GXYLT1: variants seen among roughly 807,000 people sequenced by gnomAD.
GXYLT1 encodes glucoside xylosyltransferase 1, also known as glycosyltransferase 8 domain containing 3.
A neutral mutation model predicts 54.0 loss-of-function variants in GXYLT1; 29 were observed. The ratio of observed to expected loss-of-function variants is 0.54; its 90% confidence interval spans 0.40 to 0.73. The LOEUF (loss-of-function observed/expected upper bound fraction) is 0.73. GXYLT1 is among the 30% of genes least tolerant of loss of function. GXYLT1 has a pLI of 0.00. For synonymous variants in GXYLT1, 176 were observed against 204.1 expected, an observed-to-expected ratio of 0.86 and a Z score of 1.17; for missense variants, 490 against 553.4, an observed-to-expected ratio of 0.89 and a Z score of 1.15.
At chr12:42,143,545 A>C (rs1408001250) in intron 1 of GXYLT1, among the ~76,000 whole-genome samples, 1 of 152,224 alleles carries the variant, frequency 6.6e-6, no homozygotes, top group Non-Finnish European at 1.5e-5. Context: ...TCTATATCAA[A>C]GCAGCATTTG....
rs1321289852 is a variant in GXYLT1 at position 42,084,551 on chromosome 12, C to T, written c.*3235G>A. 6.6e-6 allele frequency: 1 copy of T among 152,360 alleles called. No individual in the cohort carries two copies. The highest frequency in any genetic ancestry group is 1.5e-5 in the Non-Finnish European group (1 of 68,100). 9.4% of individuals were successfully genotyped at this position (152,360 alleles called of 1,614,324 possible). The stretch of plus-strand genomic sequence containing the variant: ...CAAATCCATTATCTCTTCTGAGTTT[C>T]ATCTTGTGAGGTTTGAAGGGTACAC... On this transcript the variant is annotated 3_prime_UTR_variant, in exon 8 of 8. Coordinates refer to ENST00000398675, the MANE Select transcript of GXYLT1 (RefSeq NM_173601.2).
chr12:42,116,921 A>G (rs1327715663), intron 3 of GXYLT1, among the ~76,000 whole-genome samples: 1 of 152,148 alleles, frequency 6.6e-6, no homozygotes, highest in African/African-American at 2.4e-5. Context: ...AATGTGGCAT[A>G]TATACACCAT....
At chr12:42,116,332 AG>A (rs1351259752) in intron 3 of GXYLT1, among the ~76,000 whole-genome samples, 1 of 152,226 alleles carries the variant, frequency 6.6e-6, no homozygotes, top group Non-Finnish European at 1.5e-5. Context: ...CTACCATCAG[AG>A]TGAACCGGCA....
chr12:42,108,294 C>T (rs568172699), intron 4 of GXYLT1, among the ~76,000 whole-genome samples: 7 of 152,252 alleles, frequency 4.6e-5, no homozygotes, highest in Non-Finnish European at 1.0e-4. Context: ...AGAGAAATGG[C>T]CAAAACCTCA....
chr12:42,099,569 G>C (rs2065377758), intron 5 of GXYLT1, among the ~76,000 whole-genome samples: 2 of 152,140 alleles, frequency 1.3e-5, no homozygotes, highest in South Asian at 4.1e-4. Context: ...TAATAGTTAT[G>C]ATGTCAGGCA....
At chr12:42,104,731 G>A (rs1428072741) in intron 5 of GXYLT1, among the ~76,000 whole-genome samples, 1 of 152,136 alleles carries the variant, frequency 6.6e-6, no homozygotes, top group African/African-American at 2.4e-5. Flanking sequence ...AATCAGACAT[G>A]TAGAAAGAAT....
intron 7 of GXYLT1, among the ~76,000 whole-genome samples, chr12:42,089,786 GTGCTGT>G: frequency 6.6e-6 from 1 of 152,316 alleles, no homozygotes; most frequent in South Asian, 2.1e-4. Flanking sequence ...TCTGGGGAAA[GTGCTGT>G]ATTGTAAACA....
chr12:42,089,364 C>A (rs1340279229), intron 7 of GXYLT1, among the ~76,000 whole-genome samples: 1 of 149,890 alleles, frequency 6.7e-6, no homozygotes, highest in Non-Finnish European at 1.5e-5. Flanking sequence ...GGAGGGATAG[C>A]ATTAGGAGAC....
At chr12:42,138,310 CAA>C (rs1428424663) in intron 1 of GXYLT1, among the ~76,000 whole-genome samples, 1 of 152,080 alleles carries the variant, frequency 6.6e-6, no homozygotes, top group Non-Finnish European at 1.5e-5. Context: ...AACAAACAAA[CAA>C]ATAAATAATT....
At chr12:42,113,749 G>A (rs2065474315) in intron 3 of GXYLT1, among the ~76,000 whole-genome samples, 1 of 150,884 alleles carries the variant, frequency 6.6e-6, no homozygotes, top group Non-Finnish European at 1.5e-5. Flanking sequence ...GGATACCCAG[G>A]AATTGAACTC....
At chr12:42,089,194 T>C (rs1413401191) in intron 7 of GXYLT1, among the ~76,000 whole-genome samples, 2 of 151,832 alleles carry the variant, frequency 1.3e-5, no homozygotes, top group Admixed American at 1.3e-4. Flanking sequence ...AAAATAACAA[T>C]AGCACACAGA....
chr12:42,126,253 T>C (rs1374964732), intron 2 of GXYLT1, among the ~76,000 whole-genome samples: 1 of 152,042 alleles, frequency 6.6e-6, no homozygotes, highest in Non-Finnish European at 1.5e-5. Flanking sequence ...TTTGTATTTT[T>C]AGTTGAGACG....
At chr12:42,144,874 T>TGCC (rs1413064250), upstream of GXYLT1, 1 of 306,574 alleles carries the variant, frequency 3.3e-6, no homozygotes, top group Non-Finnish European at 6.0e-6. Flanking sequence ...ACACCGCCTC[T>TGCC]GCCGCCGCGC....
intron 3 of GXYLT1, among the ~76,000 whole-genome samples, chr12:42,115,732 T>C (rs1334655956): frequency 1.3e-5 from 2 of 151,728 alleles, no homozygotes; most frequent in South Asian, 2.1e-4. Context: ...TTCAATGCCA[T>C]CCCCATCAAG....
intron 3 of GXYLT1, among the ~76,000 whole-genome samples, chr12:42,118,186 T>C (rs2065508442): frequency 6.6e-6 from 1 of 152,182 alleles, no homozygotes; most frequent in Non-Finnish European, 1.5e-5. Context: ...TGATTTTAAC[T>C]AATACAAAAC....
chr12:42,101,769 A>C (rs1019595492), intron 5 of GXYLT1, among the ~76,000 whole-genome samples: 1 of 151,452 alleles, frequency 6.6e-6, no homozygotes. Context: ...ATGGGGTTTC[A>C]CCATATTAGC....
At chr12:42,115,400 A>T (rs577537763) in intron 3 of GXYLT1, among the ~76,000 whole-genome samples, 75 of 152,158 alleles carry the variant, frequency 4.9e-4, no homozygotes, top group Admixed American at 2.6e-3. Context: ...CAGCCCAAAA[A>T]CTCCTCAAGC....
intron 2 of GXYLT1, among the ~76,000 whole-genome samples, chr12:42,126,141 T>C (rs910741255): frequency 6.6e-6 from 1 of 151,428 alleles, no homozygotes; most frequent in Non-Finnish European, 1.5e-5. Context: ...CGGTGTGGTA[T>C]TGGTTCACTG....
At chr12:42,140,490 C>A (rs1164709288) in intron 1 of GXYLT1, among the ~76,000 whole-genome samples, 1 of 152,114 alleles carries the variant, frequency 6.6e-6, no homozygotes, top group Non-Finnish European at 1.5e-5. Flanking sequence ...TCTGTATCAG[C>A]TATTTAATAT....
Sources: allele counts gnomAD v4.1 joint callset (sites outside exome capture counted in the v4.1 genomes callset), GRCh38; gene constraint gnomAD v4.1.1; transcripts MANE v1.5; gene names NCBI Gene and HGNC (gene_info 2026-07-23, HGNC 2026-07-21).